Variants in FAM227B observed in about 807,000 individuals in gnomAD.
FAM227B encodes family with sequence similarity 227 member B.
In FAM227B, 88 loss-of-function variants were observed where a neutral mutation model predicts 73.8. The ratio of observed to expected loss-of-function variants is 1.19; its 90% CI spans 1.00 to 1.42. The LOEUF is 1.42. Among genes scored for constraint, FAM227B ranks in the 40% most tolerant of loss-of-function variants. The pLI, the probability that FAM227B is intolerant of heterozygous loss-of-function variation, is 0.00. For missense variants in FAM227B, 632 were observed against 590.9 expected (o/e 1.07, Z -0.72); for synonymous variants, 210 against 190.5 (o/e 1.10, Z -0.84).
At chr15:49,508,604 A>G (rs2058752184) in intron 10 of FAM227B, among the ~76,000 whole-genome samples, 2 of 152,036 alleles carry the variant, frequency 1.3e-5, no homozygotes, top group African/African-American at 4.8e-5. Context: ...GGAAAGTATG[A>G]CACAAATATG....
intron 11 of FAM227B, among the ~76,000 whole-genome samples, chr15:49,465,355 C>G (rs574171938): frequency 1.3e-5 from 2 of 149,946 alleles, no homozygotes; most frequent in South Asian, 4.2e-4. Context: ...CCAGGCTGCT[C>G]GAACTCCTGA....
chr15:49,328,824 C>A, intron 15 of FAM227B, 149 bp from the exon 16 acceptor site: 5 of 1,408,350 alleles, frequency 3.6e-6, no homozygotes, highest in Non-Finnish European at 4.6e-6. Context: ...AATTCAGACT[C>A]ATTTGAATAT....
intron 11 of FAM227B, among the ~76,000 whole-genome samples, chr15:49,416,772 GACACACAC>G (rs5812484): frequency 0.28 from 41,607 of 149,876 alleles, 6,943 homozygotes; most frequent in Non-Finnish European, 0.38. Flanking sequence ...CACACACATA[GACACACAC>G]ACACACACAC....
chr15:49,614,434 T>G (rs2078157189), intron 2 of FAM227B, among the ~76,000 whole-genome samples: 1 of 152,218 alleles, frequency 6.6e-6, no homozygotes, highest in African/African-American at 2.4e-5. Flanking sequence ...TTATTGAGTT[T>G]GAAGATAATA....
intron 9 of FAM227B, among the ~76,000 whole-genome samples, chr15:49,550,342 C>T (rs2072754028): frequency 6.7e-6 from 1 of 149,728 alleles, no homozygotes; most frequent in South Asian, 2.1e-4. Context: ...GGGCTGACCC[C>T]CCCACCTCCC....
intron 3 of FAM227B, among the ~76,000 whole-genome samples, chr15:49,591,978 T>G (rs1350070090): frequency 8.5e-5 from 13 of 152,220 alleles, no homozygotes; most frequent in Non-Finnish European, 1.6e-4. Context: ...TATTGAAGCT[T>G]GTGCACGTCA....
intron 11 of FAM227B, chr15:49,425,283 A>C (rs2050024297): frequency 6.6e-6 from 1 of 152,030 alleles, no homozygotes; most frequent in East Asian, 1.9e-4. Context: ...GTGGGCTGGA[A>C]GAGATGGTAA....
intron 11 of FAM227B, among the ~76,000 whole-genome samples, chr15:49,414,036 A>G (rs1206582159): frequency 6.6e-6 from 1 of 151,952 alleles, no homozygotes; most frequent in East Asian, 1.9e-4. Context: ...GTTATTTTTA[A>G]TATCTATTAT....
intron 11 of FAM227B, among the ~76,000 whole-genome samples, chr15:49,426,112 AC>A (rs1233789698): frequency 4.6e-5 from 7 of 151,816 alleles, no homozygotes; most frequent in African/African-American, 1.7e-4. Context: ...AAAAATTATG[AC>A]ACATGGGGCA....
intron 11 of FAM227B, among the ~76,000 whole-genome samples, chr15:49,445,724 C>T (rs2052136459): frequency 6.6e-6 from 1 of 151,408 alleles, no homozygotes; most frequent in African/African-American, 2.4e-5. Flanking sequence ...ATGATAATAG[C>T]TGTCCAGTTT....
chr15:49,379,674 TA>T (rs1383242597), intron 11 of FAM227B, among the ~76,000 whole-genome samples: 2 of 152,232 alleles, frequency 1.3e-5, no homozygotes, highest in African/African-American at 4.8e-5. Context: ...ATTTTAGACA[TA>T]ATCCAGCAGA....
At chr15:49,369,504 A>G (rs536713607) in intron 12 of FAM227B, among the ~76,000 whole-genome samples, 2 of 152,188 alleles carry the variant, frequency 1.3e-5, no homozygotes, top group Non-Finnish European at 2.9e-5. Flanking sequence ...AAAGGATGAA[A>G]TAGAAAGTCC....
intron 11 of FAM227B, among the ~76,000 whole-genome samples, chr15:49,403,031 G>A (rs1028701399): frequency 6.6e-6 from 1 of 152,174 alleles, no homozygotes; most frequent in Non-Finnish European, 1.5e-5. Flanking sequence ...CATCTATTGA[G>A]ATAATCATGT....
At chr15:49,356,031 A>G (rs1042027396) in intron 13 of FAM227B, among the ~76,000 whole-genome samples, 1 of 152,030 alleles carries the variant, frequency 6.6e-6, no homozygotes, top group African/African-American at 2.4e-5. Flanking sequence ...TTTACAGACA[A>G]GCAAATGCTG....
chr15:49,568,264 C>A lies in FAM227B; in HGVS notation c.728G>T (p.Arg243Leu), dbSNP rs932462633. Residue 243 changes from arginine (R) to leucine (L), a missense_variant, in exon 9 of 16, where the codon CGA becomes CTA. Coordinates refer to ENST00000299338, the MANE Select transcript of FAM227B (RefSeq NM_152647.3). The part of the protein sequence containing the change: ...VTLFMSIPLS[R>L]KDAFFQIYPD... ...GCTTACCTGAAAAAATGCATCCTTT[C>A]GACTTAGAGGTATGCTCATGAAAAG... is the stretch of plus-strand genomic sequence containing the variant. The A allele has an allele frequency of 6.2e-7, 1 of 1,606,258 alleles. No individual in the cohort carries two copies. The highest frequency in any genetic ancestry group is 1.3e-5 in the African/African-American group (1 of 74,562).
chr15:49,504,704 C>T (rs1024075174), intron 11 of FAM227B, among the ~76,000 whole-genome samples: 4 of 152,162 alleles, frequency 2.6e-5, no homozygotes, highest in Admixed American at 2.6e-4. Context: ...TCTGCCATGA[C>T]TGTAAACTTC....
At chr15:49,576,707 A>T in intron 7 of FAM227B, 34 bp downstream of exon 7, 1 of 1,200,788 alleles carries the variant, frequency 8.3e-7, no homozygotes, top group Non-Finnish European at 1.2e-6. Context: ...TACTGTCAAA[A>T]TGTATCCTAC....
intron 11 of FAM227B, among the ~76,000 whole-genome samples, chr15:49,371,680 A>G (rs2045818877): frequency 6.6e-6 from 1 of 151,274 alleles, no homozygotes; most frequent in Admixed American, 6.6e-5. Flanking sequence ...TAATAAATAA[A>G]TGAAATAAAA....
chr15:49,365,115 CATA>C lies in FAM227B; in HGVS notation c.1271+2330_1271+2332del, dbSNP rs1044315758. The stretch of plus-strand genomic sequence containing the variant: ...TCAATGACACATTATAGCAGTTCCA[CATA>C]ATATTATTGCTGGACAATCTGTTCA... On this transcript the variant is annotated intron_variant, in intron 13 of 15. Coordinates refer to ENST00000299338, the MANE Select transcript of FAM227B (RefSeq NM_152647.3). 4 of 698,706 alleles carry C rather than the reference CATA, an allele frequency of 5.7e-6. No homozygotes were observed. In the African/African-American group the frequency reaches 7.1e-5, roughly 12 times the overall value. 43.3% of individuals were successfully genotyped at this position (698,706 alleles called of 1,614,324 possible).
Sources: gnomAD v4.1 joint callset for allele counts (sites outside exome capture counted in the v4.1 genomes callset) on GRCh38, gnomAD v4.1.1 for gene constraint, MANE v1.5 for transcripts, NCBI Gene and HGNC (gene_info 2026-07-23, HGNC 2026-07-21) for gene names.